ADK: variants seen among roughly 807,000 people sequenced by gnomAD.
ADK encodes the protein N6,N6-dimethyladenosine kinase.
A neutral mutation model predicts 44.7 loss-of-function variants in ADK; 24 were observed. That is an observed-to-expected ratio of 0.54 (90% CI 0.39 to 0.76). The LOEUF (loss-of-function observed/expected upper bound fraction) is 0.76. Among genes scored for constraint, ADK ranks in the 30% least tolerant of loss-of-function variants. The pLI is 0.00. For synonymous variants in ADK, 128 were observed against 142.6 expected (o/e 0.90, Z 0.73); for missense variants, 321 against 425.1 (o/e 0.76, Z 2.15).
intron 6 of ADK, among the ~76,000 whole-genome samples, chr10:74,453,361 A>T (rs1166419897): frequency 6.6e-6 from 1 of 152,078 alleles, no homozygotes; most frequent in Non-Finnish European, 1.5e-5. Flanking sequence ...CCCACCATGC[A>T]AACATGTTAC....
At chr10:74,322,770 C>T (rs890890775) in intron 4 of ADK, among the ~76,000 whole-genome samples, 10 of 151,522 alleles carry the variant, frequency 6.6e-5, no homozygotes, top group African/African-American at 2.4e-4. Flanking sequence ...CTCCTCTCCC[C>T]TTCCCTTCTT....
intron 6 of ADK, among the ~76,000 whole-genome samples, chr10:74,437,066 C>T (rs1420052994): frequency 1.3e-5 from 2 of 151,866 alleles, no homozygotes; most frequent in African/African-American, 4.8e-5. Flanking sequence ...AATCTAAAGC[C>T]TTTTTAAATA....
chr10:74,664,783 A>G (rs1854886395), intron 9 of ADK, among the ~76,000 whole-genome samples: 1 of 152,218 alleles, frequency 6.6e-6, no homozygotes, highest in Admixed American at 6.5e-5. Flanking sequence ...TGAAGGTTGC[A>G]GTGAGCCAGG....
chr10:74,488,729 G>A (rs1485977849), intron 6 of ADK, among the ~76,000 whole-genome samples: 2 of 151,408 alleles, frequency 1.3e-5, no homozygotes, highest in Non-Finnish European at 3.0e-5. Flanking sequence ...GGACTTTTAC[G>A]ACATTAAAGA....
rs192193783 is a variant in ADK at position 74,573,030 on chromosome 10, G to C, written c.727-16252G>C. 5.1e-3 allele frequency among the ~76,000 whole-genome samples: 770 copies of C among 152,298 alleles called. 7 individuals are homozygous for C. The highest frequency in any genetic ancestry group is 0.018 in the African/African-American group (737 of 41,566). ...TCAAAGTCATTCTCCATCCAGCTTT[G>C]TTCCGTTGCTGCTGAGGAGCTGCGT... On this transcript the variant is annotated intron_variant, in intron 7 of 10. Transcript: ENST00000539909.
At chr10:74,641,172 A>T (rs2134097554) in intron 9 of ADK, among the ~76,000 whole-genome samples, 1 of 152,246 alleles carries the variant, frequency 6.6e-6, no homozygotes, top group Middle Eastern at 3.4e-3. Flanking sequence ...GGGCCAAATC[A>T]TGCTTTTCAT....
intron 6 of ADK, among the ~76,000 whole-genome samples, chr10:74,512,951 GT>G (rs1284794328): frequency 6.6e-6 from 1 of 151,826 alleles, no homozygotes; most frequent in African/African-American, 2.4e-5. Flanking sequence ...GTTTTGGTAT[GT>G]TGTGTTTCTG....
At chr10:74,187,364 A>C (rs1225898518) in intron 1 of ADK, among the ~76,000 whole-genome samples, 1 of 152,156 alleles carries the variant, frequency 6.6e-6, no homozygotes, top group Non-Finnish European at 1.5e-5. Context: ...TGCTATAAAC[A>C]TTTATGTACA....
intron 7 of ADK, among the ~76,000 whole-genome samples, chr10:74,541,228 T>G (rs1849616043): frequency 6.6e-6 from 1 of 152,188 alleles, no homozygotes; most frequent in Admixed American, 6.5e-5. Context: ...TTGGCCATGC[T>G]GGTCTCGAAC....
chr10:74,656,944 C>T (rs1307240125), intron 9 of ADK, among the ~76,000 whole-genome samples: 1 of 151,942 alleles, frequency 6.6e-6, no homozygotes, highest in South Asian at 2.1e-4. Flanking sequence ...ACTGCATCCT[C>T]GAATTCCTGG....
At chr10:74,271,380 G>C (rs1454835094) in intron 3 of ADK, among the ~76,000 whole-genome samples, 2 of 151,638 alleles carry the variant, frequency 1.3e-5, no homozygotes, top group Non-Finnish European at 2.9e-5. Context: ...TTTATATTCA[G>C]GTATATATAT....
intron 6 of ADK, among the ~76,000 whole-genome samples, chr10:74,511,323 C>G (rs1318313712): frequency 6.6e-6 from 1 of 152,082 alleles, no homozygotes; most frequent in Non-Finnish European, 1.5e-5. Context: ...TCTTTTTACT[C>G]AGGATTGCTT....
At chr10:74,698,934 A>G (rs1564858477) in intron 10 of ADK, among the ~76,000 whole-genome samples, 1 of 149,668 alleles carries the variant, frequency 6.7e-6, no homozygotes, top group South Asian at 2.1e-4. Flanking sequence ...TGCAGCCTCA[A>G]CCTCCCACCT....
chr10:74,622,324 G>A (rs1218453425), intron 9 of ADK, among the ~76,000 whole-genome samples: 1 of 152,054 alleles, frequency 6.6e-6, no homozygotes, highest in Non-Finnish European at 1.5e-5. Context: ...GGGAGAAAAC[G>A]ACTTTTTGAA....
chr10:74,517,903 A>C (rs1180518809), intron 6 of ADK, among the ~76,000 whole-genome samples: 2 of 152,170 alleles, frequency 1.3e-5, no homozygotes, highest in Non-Finnish European at 2.9e-5. Context: ...TTTGTGTGAA[A>C]TACTGCATAT....
chr10:74,235,155 C>T, intron 3 of ADK, among the ~76,000 whole-genome samples: 1 of 128,140 alleles, frequency 7.8e-6, no homozygotes, highest in African/African-American at 2.9e-5. Context: ...CTGAAACTTT[C>T]CGGTTTGACT....
At chr10:74,273,968 T>C (rs1315988737) in intron 3 of ADK, among the ~76,000 whole-genome samples, 2 of 152,190 alleles carry the variant, frequency 1.3e-5, no homozygotes, top group Non-Finnish European at 2.9e-5. Flanking sequence ...TTCTTTAAGA[T>C]AGACTTGAAA....
At chr10:74,275,188 C>T (rs895378470) in intron 3 of ADK, among the ~76,000 whole-genome samples, 2 of 151,998 alleles carry the variant, frequency 1.3e-5, no homozygotes, top group Non-Finnish European at 2.9e-5. Context: ...CTCATGTAGT[C>T]GACCTTTCCT....
intron 9 of ADK, among the ~76,000 whole-genome samples, chr10:74,621,252 A>G (rs1852983189): frequency 6.6e-6 from 1 of 152,192 alleles, no homozygotes; most frequent in Non-Finnish European, 1.5e-5. Context: ...GGTGAGAGCT[A>G]GGAGTCTAGT....
Sources: allele counts gnomAD v4.1 joint callset (sites outside exome capture counted in the v4.1 genomes callset), GRCh38; gene constraint gnomAD v4.1.1; transcripts MANE v1.5; gene names NCBI Gene and HGNC (gene_info 2026-07-23, HGNC 2026-07-21).